The following MIB1 variants were observed in gnomAD, a reference collection of about 807,000 sequenced individuals.
The protein encoded by MIB1 is E3 ubiquitin-protein ligase MIB1.
In MIB1, 278 loss-of-function variants were observed where a neutral mutation model predicts 124.5. That is an observed-to-expected ratio of 2.23 (90% CI 2.02 to 2.47). MIB1 has a LOEUF of 2.47. MIB1 is among the 30% of genes most tolerant of loss of function. MIB1 has a pLI of 0.00. For synonymous variants in MIB1, 446 were observed against 429.4 expected, an observed-to-expected ratio of 1.04 and a Z score of -0.48; for missense variants, 957 against 1,254.4, an observed-to-expected ratio of 0.76 and a Z score of 3.58.
intron 6 of MIB1, among the ~76,000 whole-genome samples, chr18:21,782,428 T>G (rs764492867): frequency 6.6e-6 from 1 of 152,214 alleles, no homozygotes; most frequent in Non-Finnish European, 1.5e-5. Context: ...TGGCGTTAAA[T>G]TATTGATCAG....
At chr18:21,744,277 ATATT>A (rs1385277862) in intron 1 of MIB1, among the ~76,000 whole-genome samples, 1 of 152,008 alleles carries the variant, frequency 6.6e-6, no homozygotes, top group Admixed American at 6.6e-5. Flanking sequence ...TAAGTACTTG[ATATT>A]TATTTGCATA....
chr18:21,829,001 A>C (rs768814367), intron 12 of MIB1: 1 of 475,730 alleles, frequency 2.1e-6, no homozygotes, highest in South Asian at 1.5e-5. Flanking sequence ...TTGGTGGTTT[A>C]TTGCCTACCA....
Position 21,815,689 on chromosome 18 carries a change from G to T in MIB1, c.1553G>T (p.Arg518Leu). The T allele has an allele frequency of 1.2e-6, 2 of 1,614,078 alleles. No individual in the cohort carries two copies. Among genetic ancestry groups the T allele is most frequent in the South Asian group, 1.1e-5 (1 of 91,076 alleles). The change falls in exon 11 of 21, where the codon CGA (arginine) becomes CTA (leucine). Residue 518 changes from arginine (R) to leucine (L), a missense_variant. Transcript: ENST00000261537. Reference sequence around the variant, plus strand: ...GGCGCTGTTATAGAAGTACTACATCGAGGTAGTGCTGATTTGAATGCTCGA... The same window carrying T: ...GGCGCTGTTATAGAAGTACTACATCTAGGTAGTGCTGATTTGAATGCTCGA... The part of the protein sequence containing the change: ...DEGAVIEVLH[R>L]GSADLNARNK...
chr18:21,789,438 T>TA (rs2041476453), intron 6 of MIB1, among the ~76,000 whole-genome samples: 1 of 152,154 alleles, frequency 6.6e-6, no homozygotes, highest in Non-Finnish European at 1.5e-5. Context: ...CATTAACAGA[T>TA]ACCTGGATTA....
At chr18:21,860,335 A>G (rs1265272385) in intron 20 of MIB1, among the ~76,000 whole-genome samples, 1 of 132,218 alleles carries the variant, frequency 7.6e-6, no homozygotes, top group South Asian at 2.5e-4. Context: ...TTCTGGCCTC[A>G]AGGGATCTAC....
chr18:21,713,380 G>C (rs2040674047), intron 1 of MIB1, among the ~76,000 whole-genome samples: 1 of 146,370 alleles, frequency 6.8e-6, no homozygotes. Context: ...GGGAGGCCGA[G>C]ACAGGTGGAT....
intron 1 of MIB1, among the ~76,000 whole-genome samples, chr18:21,746,725 C>G (rs972669313): frequency 6.6e-6 from 1 of 152,062 alleles, no homozygotes; most frequent in African/African-American, 2.4e-5. Context: ...TTCTTCGTGT[C>G]GATAATACAG....
At chr18:21,842,790 G>A (rs2042102999) in intron 13 of MIB1, among the ~76,000 whole-genome samples, 1 of 152,160 alleles carries the variant, frequency 6.6e-6, no homozygotes, top group South Asian at 2.1e-4. Flanking sequence ...AATATTTAGA[G>A]TTCTAAGGAG....
At chr18:21,725,785 G>GGGAAGGAAGGAAGGAAGGAAGGAAGGAA (rs35808714) in intron 1 of MIB1, among the ~76,000 whole-genome samples, 1 of 150,944 alleles carries the variant, frequency 6.6e-6, no homozygotes, top group East Asian at 1.9e-4. Context: ...GAGGGAGAGA[G>GGGAAGGAAGGAAGGAAGGAAGGAAGGAA]GGAAGGAAGG....
chr18:21,788,001 T>A (rs1486490137), intron 6 of MIB1, among the ~76,000 whole-genome samples: 1 of 152,308 alleles, frequency 6.6e-6, no homozygotes, highest in Non-Finnish European at 1.5e-5. Context: ...ACTGAGTTTA[T>A]ATGATTTGCG....
intron 4 of MIB1, 138 bp from the exon 5 acceptor site, chr18:21,777,965 T>C (rs1466192084): frequency 4.4e-5 from 27 of 607,858 alleles, no homozygotes; most frequent in Non-Finnish European, 7.3e-5. Context: ...TTGAAAGCAG[T>C]GTTTAGTGTG....
intron 10 of MIB1, among the ~76,000 whole-genome samples, chr18:21,805,065 TGCAATG>T (rs1346490517): frequency 6.6e-6 from 1 of 152,092 alleles, no homozygotes; most frequent in African/African-American, 2.4e-5. Context: ...CAGGCTGAAG[TGCAATG>T]GCGTGTTCTC....
upstream of MIB1, among the ~76,000 whole-genome samples, chr18:21,739,211 C>G (rs1294863774): frequency 6.6e-6 from 1 of 152,164 alleles, no homozygotes; most frequent in East Asian, 1.9e-4. Context: ...TTCCTGGACA[C>G]ATACACTCTC....
At chr18:21,796,061 A>G (rs2041575253) in intron 7 of MIB1, among the ~76,000 whole-genome samples, 1 of 152,102 alleles carries the variant, frequency 6.6e-6, no homozygotes, top group African/African-American at 2.4e-5. Flanking sequence ...AACAAAACAA[A>G]TGTCTTCTTT....
intron 3 of MIB1, among the ~76,000 whole-genome samples, chr18:21,770,870 AATTG>A (rs1288516794): frequency 9.9e-5 from 15 of 152,180 alleles, no homozygotes; most frequent in Admixed American, 2.6e-4. Flanking sequence ...CTATTTGGCC[AATTG>A]ATTCTTTATA....
At chr18:21,745,711 A>ACACACACACACAC (rs1555687309) in intron 1 of MIB1, among the ~76,000 whole-genome samples, 2 of 131,020 alleles carry the variant, frequency 1.5e-5, no homozygotes, top group African/African-American at 6.5e-5. Flanking sequence ...CACACACACA[A>ACACACACACACAC]AATTTTATTT....
In MIB1 at chr18:21,866,928, A is replaced by T. The variant is rs2042325324; in HGVS notation, c.*2262A>T. On this transcript the variant is annotated 3_prime_UTR_variant, in exon 21 of 21. Transcript: ENST00000261537. ...TTTTGGGTTTGTGAGAGATAATAAG[A>T]TTAAGAACTTCATCATTTCAGTGAC... 1 of 152,568 alleles carries T rather than the reference A, an allele frequency of 6.6e-6. No individual in the cohort carries two copies. Among genetic ancestry groups the T allele is most frequent in the Non-Finnish European group, 1.5e-5 (1 of 68,026 alleles). The allele number at this position is 152,568 out of a possible 1,614,324, so 9.5% of individuals were successfully genotyped here. A position where few individuals can be genotyped will look rare whatever the true frequency, so the allele number is the denominator to read the frequency against.
At position 21,741,919 on chromosome 18, in the gene MIB1, C is replaced by A; in HGVS notation, c.229+107C>A. 2.0e-6 allele frequency: 2 copies of A among 986,708 alleles called. No homozygotes were observed. The highest frequency in any genetic ancestry group is 2.9e-6 in the Non-Finnish European group (2 of 694,312). The allele number at this position is 986,708 out of a possible 1,614,324, so 61.1% of individuals were successfully genotyped here. A position where few individuals can be genotyped will look rare whatever the true frequency, so the allele number is the denominator to read the frequency against. ...GGTCTGCAGTGGGACACCTGGTGGG[C>A]AGCGCCCGGCTGGAGCGAGCGGAAA... is the stretch of plus-strand genomic sequence containing the variant. On this transcript the variant is annotated intron_variant, in intron 1 of 20. Coordinates refer to ENST00000261537, the MANE Select transcript of MIB1 (RefSeq NM_020774.4). The surrounding 1 kb of genome is among the most constrained non-coding windows in gnomAD (Gnocchi z 5.4).
In MIB1 at chr18:21,815,661, G is replaced by T. The variant is rs1235651034; in HGVS notation, c.1525G>T (p.Glu509Ter). Residue 509 changes from glutamate (E) to a stop codon, truncating the protein, a stop_gained, in exon 11 of 21, where the codon GAA becomes TAA. Transcript: ENST00000261537. LOFTEE classifies it high-confidence loss of function. Reference protein sequence around the residue: ...RAVHHAAFGDEGAVIEVLHRG... With the variant: ...RAVHHAAFGD ...AGTTCACCATGCAGCTTTTGGAGATGAAGGCGCTGTTATAGAAGTACTACA... is the reference window on the plus strand; with the variant it reads ...AGTTCACCATGCAGCTTTTGGAGATTAAGGCGCTGTTATAGAAGTACTACA... 6.2e-7 allele frequency: 1 copy of T among 1,614,168 alleles called. No individual in the cohort carries two copies. The highest frequency in any genetic ancestry group is 8.5e-7 in the Non-Finnish European group (1 of 1,180,026).
Sources: allele counts gnomAD v4.1 joint callset (sites outside exome capture counted in the v4.1 genomes callset), GRCh38; gene constraint gnomAD v4.1.1; non-coding constraint Gnocchi (gnomAD v3.1); transcripts MANE v1.5; gene names NCBI Gene and HGNC (gene_info 2026-07-23, HGNC 2026-07-21).